SPAG16: variants seen among roughly 807,000 people sequenced by gnomAD.
SPAG16 encodes sperm associated antigen 16, also known as sperm-associated antigen 16 protein.
A neutral mutation model predicts 80.4 loss-of-function variants in SPAG16; 86 were observed. That is an observed-to-expected ratio of 1.07 (90% CI 0.90 to 1.28). The LOEUF (loss-of-function observed/expected upper bound fraction) is 1.28, where lower values mean the gene tolerates loss of function less well. SPAG16 is among the 50% of genes most tolerant of loss of function. The pLI is 0.00. For missense variants in SPAG16, 870 were observed against 765.3 expected (o/e 1.14, Z -1.61); for synonymous variants, 294 against 265.9 (o/e 1.11, Z -1.03).
At chr2:213,507,561 A>G (rs1057425000) in intron 10 of SPAG16, among the ~76,000 whole-genome samples, 2 of 152,204 alleles carry the variant, frequency 1.3e-5, no homozygotes, top group East Asian at 1.9e-4. Context: ...CATTTTGCCT[A>G]TTTAGAATAG....
chr2:213,374,393 T>C (rs2066786261), intron 8 of SPAG16, among the ~76,000 whole-genome samples: 1 of 152,128 alleles, frequency 6.6e-6, no homozygotes, highest in South Asian at 2.1e-4. Flanking sequence ...ACTTACTGTT[T>C]AGAAATACAA....
chr2:213,699,060 C>T (rs777528151), intron 10 of SPAG16, among the ~76,000 whole-genome samples: 1 of 152,128 alleles, frequency 6.6e-6, no homozygotes, highest in African/African-American at 2.4e-5. Context: ...TTCTCTTTTC[C>T]ATTGCTGTTG....
At chr2:214,115,457 C>A (rs1019614645) in intron 14 of SPAG16, among the ~76,000 whole-genome samples, 1 of 152,180 alleles carries the variant, frequency 6.6e-6, no homozygotes, top group African/African-American at 2.4e-5. Context: ...TTTACATAAA[C>A]ATAGTTTGGG....
intron 10 of SPAG16, among the ~76,000 whole-genome samples, chr2:213,604,140 C>T (rs542820312): frequency 1.4e-4 from 21 of 152,284 alleles, no homozygotes; most frequent in Non-Finnish European, 2.5e-4. Flanking sequence ...GATCTGCCCG[C>T]CTCGGCCTCC....
At chr2:213,999,979 A>G (rs913732960) in intron 12 of SPAG16, among the ~76,000 whole-genome samples, 3 of 152,184 alleles carry the variant, frequency 2.0e-5, no homozygotes, top group Non-Finnish European at 4.4e-5. Flanking sequence ...TTACAGGCTC[A>G]TAGGTGGAAG....
chr2:213,818,681 C>T (rs1213250601), intron 10 of SPAG16, among the ~76,000 whole-genome samples: 2 of 152,154 alleles, frequency 1.3e-5, no homozygotes, highest in Non-Finnish European at 2.9e-5. Flanking sequence ...TGTTCCCACT[C>T]AAATCTCATC....
At chr2:213,863,726 C>A (rs1344727396) in intron 11 of SPAG16, among the ~76,000 whole-genome samples, 3 of 152,032 alleles carry the variant, frequency 2.0e-5, no homozygotes, top group African/African-American at 7.2e-5. Flanking sequence ...AGCTACTGGG[C>A]ATACTAATCA....
chr2:214,246,892 A>G (rs1689888013), intron 15 of SPAG16, among the ~76,000 whole-genome samples: 1 of 152,150 alleles, frequency 6.6e-6, no homozygotes, highest in Non-Finnish European at 1.5e-5. Context: ...TAACCTTTCT[A>G]ATTGACTACA....
At chr2:214,344,035 A>G (rs371642055) in intron 15 of SPAG16, among the ~76,000 whole-genome samples, 5 of 152,154 alleles carry the variant, frequency 3.3e-5, no homozygotes, top group East Asian at 3.9e-4. Context: ...TTTCTACAAT[A>G]TAACTTTTCT....
chr2:213,412,044 A>C (rs950882914), intron 9 of SPAG16, among the ~76,000 whole-genome samples: 2 of 152,114 alleles, frequency 1.3e-5, no homozygotes, highest in Non-Finnish European at 2.9e-5. Flanking sequence ...TCGTGAAGCA[A>C]CCTTTTTCGT....
rs1396085425 is a variant in SPAG16 at position 213,817,239 on chromosome 2, TA to T, written c.1071-45245del. ...ATATATATATATATATGCTTATATA[TA>T]TATACTTATATATATGATATATATA... On this transcript the variant is annotated intron_variant, in intron 10 of 15. Coordinates refer to ENST00000331683, the MANE Select transcript of SPAG16 (RefSeq NM_024532.5). Among the ~76,000 whole-genome samples, 3 of 143,210 alleles carry T rather than the reference TA, an allele frequency of 2.1e-5. No homozygotes were observed. The East Asian group carries it at 5.9e-4, about 28-fold the overall frequency. 94.0% of individuals were successfully genotyped at this position (143,210 alleles called of 152,430 possible).
At chr2:213,929,635 A>G (rs2078659650) in intron 11 of SPAG16, among the ~76,000 whole-genome samples, 1 of 151,930 alleles carries the variant, frequency 6.6e-6, no homozygotes, top group African/African-American at 2.4e-5. Flanking sequence ...CCGATCATCC[A>G]GAGCCTAATA....
rs886509901 is a variant in SPAG16, at chr2:213,778,275, A to T, written c.1071-84210A>T. ...TTTAACATATATACTTAACTATAAA[A>T]GTTAAAATAAGAAAGTCATACCTAG... On this transcript the variant is annotated intron_variant, in intron 10 of 15. Transcript: ENST00000331683. Among the ~76,000 whole-genome samples the T allele has an allele frequency of 7.2e-5, 11 of 152,178 alleles. No homozygotes were observed. The South Asian group carries it at 2.3e-3, about 31-fold the overall frequency.
intron 9 of SPAG16, among the ~76,000 whole-genome samples, chr2:213,394,509 G>C (rs2125310340): frequency 6.6e-6 from 1 of 152,210 alleles, no homozygotes; most frequent in Admixed American, 6.5e-5. Context: ...TTAGGATGTT[G>C]ACATTGATAT....
chr2:214,013,764 C>G (rs1240864404), intron 12 of SPAG16, among the ~76,000 whole-genome samples, 187 bp from the exon 13 acceptor site: 3 of 152,078 alleles, frequency 2.0e-5, no homozygotes, highest in Admixed American at 2.0e-4. Context: ...TAGTTTTATG[C>G]TACTAATCGT....
intron 9 of SPAG16, among the ~76,000 whole-genome samples, chr2:213,394,474 G>A (rs936287592): frequency 6.6e-6 from 1 of 151,928 alleles, no homozygotes; most frequent in Admixed American, 6.6e-5. Flanking sequence ...GTTACATCTT[G>A]GAAAACTATA....
intron 10 of SPAG16, among the ~76,000 whole-genome samples, chr2:213,806,508 G>A (rs1410671642): frequency 6.6e-6 from 1 of 152,086 alleles, no homozygotes; most frequent in East Asian, 1.9e-4. Context: ...TAATGTTTAT[G>A]TATCCCCTGA....
chr2:213,958,994 T>C (rs1418239547), intron 12 of SPAG16, among the ~76,000 whole-genome samples: 4 of 152,210 alleles, frequency 2.6e-5, no homozygotes, highest in Non-Finnish European at 4.4e-5. Flanking sequence ...TCATACTTTT[T>C]CCTCATTTTG....
chr2:214,085,970 G>C lies in SPAG16; in HGVS notation c.1528-22226G>C, dbSNP rs572265753. On this transcript the variant is annotated intron_variant, in intron 13 of 15. Transcript: ENST00000331683. ...CATCTTCGCCCTCTGCCTTTTGAAA[G>C]CCTGTCCATCCTTAAAAATTGATTT... Among the ~76,000 whole-genome samples, 291 of 152,244 alleles carry C rather than the reference G, an allele frequency of 1.9e-3. 2 individuals are homozygous for C. The highest frequency in any genetic ancestry group is 2.0e-3 in the Non-Finnish European group (136 of 68,006).
Sources: allele counts gnomAD v4.1 joint callset (sites outside exome capture counted in the v4.1 genomes callset), GRCh38; gene constraint gnomAD v4.1.1; transcripts MANE v1.5; gene names NCBI Gene and HGNC (gene_info 2026-07-23, HGNC 2026-07-21).